The following SYN2 variants were observed in gnomAD, a reference collection of about 807,000 sequenced individuals.
SYN2 encodes the protein synapsin II, also known as synapsin-2.
SYN2 carries 19 observed loss-of-function variants against 50.9 expected under a neutral mutation model. The ratio of observed to expected loss-of-function variants is 0.37; its 90% confidence interval spans 0.26 to 0.55. The LOEUF is 0.55. Ranked by LOEUF, SYN2 falls within the 20% of genes least tolerant of loss-of-function variation. The pLI is 0.81. For synonymous variants in SYN2, 255 were observed against 224.9 expected, an observed-to-expected ratio of 1.13 and a Z score of -1.20; for missense variants, 587 against 576.4, an observed-to-expected ratio of 1.02 and a Z score of -0.19.
At chr3:12,144,776 T>C (rs1697107200) in intron 3 of SYN2, among the ~76,000 whole-genome samples, 1 of 152,152 alleles carries the variant, frequency 6.6e-6, no homozygotes, top group Admixed American at 6.5e-5. Flanking sequence ...ATCCCAGCAC[T>C]TTGGGAGGCC....
intron 1 of SYN2, among the ~76,000 whole-genome samples, chr3:12,076,301 C>G (rs1695466310): frequency 3.9e-5 from 6 of 151,974 alleles, no homozygotes; most frequent in Admixed American, 3.3e-4. Flanking sequence ...TTCAGATACT[C>G]TGCTTGTCCC....
chr3:12,048,792 T>C (rs1305898007), intron 1 of SYN2, among the ~76,000 whole-genome samples: 1 of 152,194 alleles, frequency 6.6e-6, no homozygotes, highest in Non-Finnish European at 1.5e-5. Flanking sequence ...GCCCAAGTCA[T>C]GCAGCAGTAA....
chr3:12,153,592 G>A, intron 5 of SYN2: 1 of 1,614,132 alleles, frequency 6.2e-7, no homozygotes, highest in Non-Finnish European at 8.5e-7. Context: ...CCGTCAACAT[G>A]CTTCATACAG....
intron 11 of SYN2, chr3:12,185,873 G>A (rs1698332954): frequency 3.1e-6 from 2 of 641,924 alleles, no homozygotes; most frequent in South Asian, 1.4e-4. Flanking sequence ...AACTTTGGAA[G>A]TGGCAAAAGC....
intron 4 of SYN2, among the ~76,000 whole-genome samples, chr3:12,147,808 A>G (rs762250178): frequency 3.3e-5 from 5 of 152,104 alleles, no homozygotes; most frequent in African/African-American, 4.8e-5. Flanking sequence ...CTCCTAGTGT[A>G]TGGGTTCTCT....
intron 7 of SYN2, among the ~76,000 whole-genome samples, chr3:12,163,485 C>T (rs1009267776): frequency 6.6e-6 from 1 of 151,794 alleles, no homozygotes; most frequent in Non-Finnish European, 1.5e-5. Flanking sequence ...CCCATACCAC[C>T]CTTCACACAC....
intron 1 of SYN2, among the ~76,000 whole-genome samples, chr3:12,051,965 T>C (rs1694873573): frequency 6.6e-6 from 1 of 152,236 alleles, no homozygotes. Flanking sequence ...CTTAGTTGGC[T>C]CCCTGCTGGT....
chr3:12,138,546 A>T (rs1696948440), intron 1 of SYN2, among the ~76,000 whole-genome samples: 1 of 152,206 alleles, frequency 6.6e-6, no homozygotes, highest in Non-Finnish European at 1.5e-5. Context: ...CTTAACTCCC[A>T]TGAACTTTTC....
At chr3:12,015,597 G>T (rs931933105) in intron 1 of SYN2, among the ~76,000 whole-genome samples, 8 of 152,172 alleles carry the variant, frequency 5.3e-5, no homozygotes, top group Non-Finnish European at 1.0e-4. Context: ...TGCTATAGAA[G>T]CATTAATTAT....
intron 1 of SYN2, among the ~76,000 whole-genome samples, chr3:12,022,281 TC>T (rs1313446353): frequency 1.2e-4 from 19 of 152,158 alleles, no homozygotes; most frequent in Admixed American, 2.0e-4. Context: ...CTGGATAGTC[TC>T]CTCCAAATAT....
intron 1 of SYN2, among the ~76,000 whole-genome samples, chr3:12,041,680 G>C (rs1254317416): frequency 6.6e-6 from 1 of 152,132 alleles, no homozygotes; most frequent in Non-Finnish European, 1.5e-5. Flanking sequence ...TGTAAATGCT[G>C]CCAGGCTTTT....
At chr3:12,036,503 G>A (rs1694501371) in intron 1 of SYN2, among the ~76,000 whole-genome samples, 1 of 152,160 alleles carries the variant, frequency 6.6e-6, no homozygotes, top group African/African-American at 2.4e-5. Context: ...CACAGCTGGG[G>A]AGTCTGAGGA....
intron 5 of SYN2, among the ~76,000 whole-genome samples, chr3:12,152,260 A>G (rs1388811523): frequency 6.6e-6 from 1 of 152,196 alleles, no homozygotes; most frequent in African/African-American, 2.4e-5. Context: ...GAAAAGAACC[A>G]TCTCTGTCAT....
intron 11 of SYN2, chr3:12,185,076 G>C (rs1167341056): frequency 1.0e-6 from 1 of 985,722 alleles, no homozygotes; most frequent in Admixed American, 6.1e-5. Flanking sequence ...AATGCATTGA[G>C]TGTGAATGTT....
intron 1 of SYN2, among the ~76,000 whole-genome samples, chr3:12,019,217 A>G (rs1247140069): frequency 1.3e-5 from 2 of 152,200 alleles, no homozygotes; most frequent in African/African-American, 2.4e-5. Context: ...TGGTGGTTGG[A>G]GACTACAAGA....
intron 1 of SYN2, among the ~76,000 whole-genome samples, chr3:12,082,560 A>G (rs1381962194): frequency 3.3e-5 from 5 of 152,210 alleles, no homozygotes; most frequent in Non-Finnish European, 7.3e-5. Context: ...GCCTTTCCAA[A>G]GTGCTAACTT....
chr3:12,055,092 A>G (rs1308249238), intron 1 of SYN2, among the ~76,000 whole-genome samples: 1 of 152,068 alleles, frequency 6.6e-6, no homozygotes, highest in Non-Finnish European at 1.5e-5. Context: ...ATTTAAGAAC[A>G]CACAGTTTCT....
intron 1 of SYN2, among the ~76,000 whole-genome samples, chr3:12,093,657 C>T (rs905113300): frequency 6.6e-6 from 1 of 152,174 alleles, no homozygotes; most frequent in Non-Finnish European, 1.5e-5. Flanking sequence ...TTGCTGAAAT[C>T]AGTTGCTCTC....
At chr3:12,114,545 T>C (rs1168036929) in intron 1 of SYN2, among the ~76,000 whole-genome samples, 1 of 152,184 alleles carries the variant, frequency 6.6e-6, no homozygotes, top group Non-Finnish European at 1.5e-5. Flanking sequence ...CTCTATGTTT[T>C]CTTCTAACAG....
Sources: gnomAD v4.1 joint callset for allele counts (sites outside exome capture counted in the v4.1 genomes callset) on GRCh38, gnomAD v4.1.1 for gene constraint, MANE v1.5 for transcripts, NCBI Gene and HGNC (gene_info 2026-07-23, HGNC 2026-07-21) for gene names.